Variants in TRPC7 observed in about 807,000 individuals in gnomAD.
TRPC7 encodes the protein short transient receptor potential channel 7.
TRPC7 carries 42 observed loss-of-function variants against 90.1 expected under a neutral mutation model. The observed-to-expected ratio is 0.47, with a 90% confidence interval of 0.36 to 0.60. The LOEUF is 0.60. Ranked by LOEUF, TRPC7 falls within the 20% of genes least tolerant of loss-of-function variation. The pLI is 0.00. For missense variants in TRPC7, 955 were observed against 1,112.3 expected, an observed-to-expected ratio of 0.86 and a Z score of 2.01; for synonymous variants, 451 against 436.3, an observed-to-expected ratio of 1.03 and a Z score of -0.42.
At chr5:136,303,099 C>T (rs1165489220) in intron 3 of TRPC7, among the ~76,000 whole-genome samples, 2 of 152,182 alleles carry the variant, frequency 1.3e-5, no homozygotes, top group Non-Finnish European at 2.9e-5. Flanking sequence ...CCTCCCCCAC[C>T]TGCCCAGCAA....
chr5:136,360,488 G>A (rs1374580913), intron 1 of TRPC7, among the ~76,000 whole-genome samples: 1 of 152,146 alleles, frequency 6.6e-6, no homozygotes, highest in Non-Finnish European at 1.5e-5. Context: ...AAAAATATGT[G>A]TATAGCTAGT....
At chr5:136,274,524 T>C in intron 4 of TRPC7, 149 bp downstream of exon 4, 1 of 831,720 alleles carries the variant, frequency 1.2e-6, no homozygotes, top group Non-Finnish European at 1.6e-6. Context: ...TCCTTTTATG[T>C]GGTTTCCTAC....
intron 7 of TRPC7, among the ~76,000 whole-genome samples, chr5:136,244,498 T>C (rs1756274039): frequency 6.6e-6 from 1 of 152,230 alleles, no homozygotes; most frequent in African/African-American, 2.4e-5. Context: ...GTCTACTGTT[T>C]ATTTGACTAC....
chr5:136,266,031 T>G (rs1757015816), intron 5 of TRPC7, among the ~76,000 whole-genome samples, 189 bp downstream of exon 5: 2 of 152,180 alleles, frequency 1.3e-5, no homozygotes, highest in Non-Finnish European at 2.9e-5. Flanking sequence ...CTTTCAAAAT[T>G]GGAATTTGTA....
intron 9 of TRPC7, 97 bp from the exon 10 acceptor site, chr5:136,225,451 TGTCTCAGTGAAGCAGCTTTTG>T: frequency 8.4e-7 from 1 of 1,191,676 alleles, no homozygotes; most frequent in Non-Finnish European, 1.2e-6. Context: ...TATACGGGGC[TGTCTCAGTGAAGCAGCTTTTG>T]AAAGCTGATT....
intron 7 of TRPC7, among the ~76,000 whole-genome samples, chr5:136,246,681 C>T (rs1445874521): frequency 1.3e-5 from 2 of 152,296 alleles, no homozygotes; most frequent in Admixed American, 6.5e-5. Flanking sequence ...AGTTTTATTT[C>T]CCTTAGATTG....
intron 4 of TRPC7, among the ~76,000 whole-genome samples, chr5:136,274,334 T>C (rs1757292730): frequency 1.3e-5 from 2 of 152,184 alleles, no homozygotes; most frequent in South Asian, 4.1e-4. Context: ...ATGATTCTAA[T>C]TATTATACTG....
intron 2 of TRPC7, among the ~76,000 whole-genome samples, chr5:136,324,614 C>T (rs541589358): frequency 6.6e-6 from 1 of 152,144 alleles, no homozygotes; most frequent in Admixed American, 6.5e-5. Context: ...TGACTCCAAA[C>T]CATCTATCAA....
At chr5:136,246,660 CT>C (rs1756349393) in intron 7 of TRPC7, among the ~76,000 whole-genome samples, 1 of 152,194 alleles carries the variant, frequency 6.6e-6, no homozygotes, top group South Asian at 2.1e-4. Context: ...CTTCACTTTC[CT>C]TTTTCCTTCA....
At chr5:136,248,809 G>A (rs767246639) in intron 6 of TRPC7, among the ~76,000 whole-genome samples, 5 of 152,242 alleles carry the variant, frequency 3.3e-5, no homozygotes, top group Non-Finnish European at 5.9e-5. Flanking sequence ...CACCTATCAC[G>A]AATCAGCTGT....
At position 136,259,457 on chromosome 5, in the gene TRPC7, T is replaced by C. The variant is rs1580872347; in HGVS notation, c.1345+6763A>G. On this transcript the variant is annotated intron_variant, in intron 5 of 11. Transcript: ENST00000513104. ...ACACACTCCCAAGCTCTTCTCCTAT[T>C]TAGCATTTTAGACGTATTTTACTAC... is the stretch of plus-strand genomic sequence containing the variant. 2.6e-5 allele frequency among the ~76,000 whole-genome samples: 4 copies of C among 152,310 alleles called. No homozygotes were observed. The East Asian group carries it at 7.7e-4, about 29-fold the overall frequency.
intron 5 of TRPC7, among the ~76,000 whole-genome samples, chr5:136,252,859 C>T (rs1219059792): frequency 1.3e-5 from 2 of 152,230 alleles, no homozygotes; most frequent in Non-Finnish European, 2.9e-5. Context: ...CCTAACAGGC[C>T]ACAGACTGGT....
chr5:136,358,780 C>G (rs1416395639), intron 1 of TRPC7, among the ~76,000 whole-genome samples: 3 of 152,144 alleles, frequency 2.0e-5, no homozygotes, highest in Admixed American at 6.5e-5. Flanking sequence ...ACATCTTAAA[C>G]TTTTTTGATT....
intron 3 of TRPC7, among the ~76,000 whole-genome samples, chr5:136,313,962 G>C (rs1380502313): frequency 6.6e-6 from 1 of 152,198 alleles, no homozygotes; most frequent in East Asian, 1.9e-4. Flanking sequence ...GTTATCAGGT[G>C]GGGGCCAGAC....
Position 136,356,942 on chromosome 5 carries a change from T to A in TRPC7, c.446A>T (p.Asp149Val). The A allele has an allele frequency of 6.2e-7, 1 of 1,613,148 alleles. No homozygotes were observed. Among genetic ancestry groups the A allele is most frequent in the Non-Finnish European group, 8.5e-7 (1 of 1,179,828 alleles). Reference sequence around the variant, plus strand: ...GTCCTCGTCGTAGGCATAGAAGTCGTCGTCGCGCAGCTCCTGTTCCAGCGG... The same window carrying A: ...GTCCTCGTCGTAGGCATAGAAGTCGACGTCGCGCAGCTCCTGTTCCAGCGG... ...LSPLEQELRD[D>V]DFYAYDEDGT... is the part of the protein sequence containing the mutation. The change falls in exon 2 of 12, where the codon GAC (aspartate) becomes GTC (valine). Residue 149 changes from aspartate (D) to valine (V), a missense_variant. Physicochemically the swap from Asp to Val is radical, Grantham distance 152 (BLOSUM62 -3). This residue lies in a region of TRPC7 where 484 missense variants were observed against 509.6 expected (regional missense o/e 0.95). Transcript: ENST00000513104.
intron 3 of TRPC7, 75 bp from the exon 4 acceptor site, chr5:136,274,912 A>G (rs1400890514): frequency 6.9e-7 from 1 of 1,459,620 alleles, no homozygotes; most frequent in Non-Finnish European, 9.1e-7. Flanking sequence ...ACAGTATACA[A>G]CCTAGGAGTA....
At position 136,304,484 on chromosome 5, in the gene TRPC7, C is replaced by A. The variant is rs561853837; in HGVS notation, c.963+11113G>T. Among the ~76,000 whole-genome samples the A allele has an allele frequency of 3.2e-3, 488 of 152,250 alleles. 5 individuals are homozygous for A. The highest frequency in any genetic ancestry group is 0.011 in the African/African-American group (465 of 41,514). Reference sequence around the variant, plus strand: ...TCAACCAAATTGTTTTGCCTGTCCACCCCGTGGTGCCAAACCCATATACTC... The same window carrying A: ...TCAACCAAATTGTTTTGCCTGTCCAACCCGTGGTGCCAAACCCATATACTC... On this transcript the variant is annotated intron_variant, in intron 3 of 11. Transcript: ENST00000513104.
At chr5:136,324,515 A>G (rs1759287996) in intron 2 of TRPC7, among the ~76,000 whole-genome samples, 1 of 152,154 alleles carries the variant, frequency 6.6e-6, no homozygotes, top group African/African-American at 2.4e-5. Context: ...GTTCTCAACT[A>G]TTTGAGAATT....
chr5:136,291,247 A>C (rs1215508574), intron 3 of TRPC7, among the ~76,000 whole-genome samples: 4 of 152,222 alleles, frequency 2.6e-5, no homozygotes, highest in South Asian at 4.1e-4. Flanking sequence ...CGAGCAAAAT[A>C]ACCAGCTAAC....
Sources: gnomAD v4.1 joint callset for allele counts (sites outside exome capture counted in the v4.1 genomes callset) on GRCh38, gnomAD v4.1.1 for gene constraint, gnomAD v4.1.1 regional missense constraint, MANE v1.5 for transcripts, NCBI Gene and HGNC (gene_info 2026-07-23, HGNC 2026-07-21) for gene names.